MRPL45: variants seen among roughly 807,000 people sequenced by gnomAD.
The protein encoded by MRPL45 is mitochondrial ribosomal protein L45, also known as large ribosomal subunit protein mL45.
A neutral mutation model predicts 38.1 loss-of-function variants in MRPL45; 20 were observed. The observed-to-expected ratio is 0.53, with a 90% CI of 0.37 to 0.76. The LOEUF is 0.76. Ranked by LOEUF, MRPL45 falls within the 30% of genes least tolerant of loss-of-function variation. The pLI is 0.00. For synonymous variants in MRPL45, 105 were observed against 128.8 expected (o/e 0.82, Z 1.25); for missense variants, 337 against 395.6 (o/e 0.85, Z 1.26).
chr17:38,316,719 G>A (rs1220685490), intron 4 of MRPL45, among the ~76,000 whole-genome samples: 3 of 142,382 alleles, frequency 2.1e-5, no homozygotes, highest in Non-Finnish European at 4.5e-5. Context: ...GCCCAGGCTG[G>A]AGGGCAGTGG....
At chr17:38,303,512 TC>T (rs2037020590) in intron 3 of MRPL45, among the ~76,000 whole-genome samples, 3 of 151,872 alleles carry the variant, frequency 2.0e-5, no homozygotes, top group African/African-American at 4.8e-5. Context: ...GCCAGGCTGG[TC>T]TCGAACTCCT....
intron 4 of MRPL45, among the ~76,000 whole-genome samples, 170 bp from the exon 5 acceptor site, chr17:38,318,517 T>C (rs1046002029): frequency 6.6e-5 from 10 of 151,576 alleles, no homozygotes; most frequent in Non-Finnish European, 1.3e-4. Flanking sequence ...ATCACATTAT[T>C]GTTCGTGTTT....
In MRPL45 at chr17:38,313,903, T is replaced by C. The variant is rs557106020; in HGVS notation, c.462-4784T>C. Among the ~76,000 whole-genome samples, 171 of 152,162 alleles carry C rather than the reference T, an allele frequency of 1.1e-3. 1 individual carries two copies. In the Middle Eastern group the frequency reaches 0.017, roughly 15 times the overall value. Reference sequence around the variant, plus strand: ...GTCTCGAACTCCTGACCTCAGATGATCCACCCACCTCAGCCTTCCAAAGTG... The same window carrying C: ...GTCTCGAACTCCTGACCTCAGATGACCCACCCACCTCAGCCTTCCAAAGTG... On this transcript the variant is annotated intron_variant, in intron 4 of 7. Transcript: ENST00000613675.
chr17:38,298,577 G>A lies in MRPL45; in HGVS notation c.195G>A (p.Leu65=). Residue 65 remains leucine, a synonymous_variant, in exon 2 of 8, where the codon TTG becomes TTA. Coordinates refer to ENST00000613675, the MANE Select transcript of MRPL45 (RefSeq NM_032351.6). The stretch of plus-strand genomic sequence containing the variant: ...TGCAACATGCCCGGAAAGCAGGATT[G>A]GTTATTCCTCCAGAAAAATCGGACC... The part of the protein sequence containing the change: ...EFMQHARKAG[L]VIPPEKSDRS... The A allele has an allele frequency of 6.2e-7, 1 of 1,613,400 alleles. No homozygotes were observed. The highest frequency in any genetic ancestry group is 1.1e-5 in the South Asian group (1 of 91,042).
chr17:38,322,524 G>A lies in MRPL45; in HGVS notation c.850G>A (p.Gly284Ser), dbSNP rs200400481. 3.0e-5 allele frequency: 49 copies of A among 1,613,408 alleles called. No individual in the cohort carries two copies. In the African/African-American group the frequency reaches 5.7e-4, roughly 19 times the overall value. ...QPILKTVMIP[G>S]PQLKPEEEYE... Reference sequence around the variant, plus strand: ...ACTCTTTCAGACGGTGATGATCCCTGGCCCTCAGCTGAAACCAGAAGAAGA... The same window carrying A: ...ACTCTTTCAGACGGTGATGATCCCTAGCCCTCAGCTGAAACCAGAAGAAGA... Residue 284 changes from glycine (G) to serine (S), a missense_variant, in exon 8 of 8, where the codon GGC (glycine) becomes AGC (serine). Physicochemically the swap from Gly to Ser is moderately conservative, Grantham distance 56. Coordinates refer to ENST00000613675, the MANE Select transcript of MRPL45 (RefSeq NM_032351.6).
intron 3 of MRPL45, among the ~76,000 whole-genome samples, chr17:38,304,553 T>C (rs2037031296): frequency 6.6e-6 from 1 of 151,784 alleles, no homozygotes; most frequent in Non-Finnish European, 1.5e-5. Context: ...TTTATTTTAT[T>C]TTTTTTTTGA....
intron 4 of MRPL45, among the ~76,000 whole-genome samples, chr17:38,309,344 G>A (rs937462865): frequency 6.6e-6 from 1 of 150,742 alleles, no homozygotes; most frequent in Non-Finnish European, 1.5e-5. Context: ...GTGAAACCCT[G>A]TCTCTACTAA....
At chr17:38,316,427 C>T (rs776321279) in intron 4 of MRPL45, among the ~76,000 whole-genome samples, 7 of 151,974 alleles carry the variant, frequency 4.6e-5, no homozygotes, top group Non-Finnish European at 1.0e-4. Flanking sequence ...CCATGGTTTC[C>T]TTTAGCTCAT....
intron 4 of MRPL45, among the ~76,000 whole-genome samples, chr17:38,308,967 C>T (rs1337636015): frequency 6.6e-6 from 1 of 151,058 alleles, no homozygotes. Flanking sequence ...AGTGCAGTAG[C>T]GCAATCTCGA....
intron 6 of MRPL45, among the ~76,000 whole-genome samples, chr17:38,321,374 C>T (rs1170056241): frequency 1.3e-5 from 2 of 152,258 alleles, no homozygotes; most frequent in African/African-American, 2.4e-5. Flanking sequence ...TTCAGAATTC[C>T]GAGATAACTT....
chr17:38,318,771 T>A, intron 5 of MRPL45, 36 bp downstream of exon 5: 1 of 1,453,906 alleles, frequency 6.9e-7, no homozygotes, highest in Non-Finnish European at 9.6e-7. Flanking sequence ...GTGGGGTGAC[T>A]GAGTGGGCAG....
At chr17:38,307,341 T>C (rs1178309431) in intron 4 of MRPL45, among the ~76,000 whole-genome samples, 2 of 150,590 alleles carry the variant, frequency 1.3e-5, no homozygotes, top group Non-Finnish European at 3.0e-5. Context: ...CGGCCCCCTT[T>C]TTTTTTTTGA....
chr17:38,305,606 C>T (rs932379112), intron 3 of MRPL45, among the ~76,000 whole-genome samples: 3 of 149,762 alleles, frequency 2.0e-5, no homozygotes, highest in Admixed American at 1.3e-4. Flanking sequence ...CTGCCTCAGC[C>T]TCCCAAGTAG....
At chr17:38,321,853 C>T (rs112601056) in intron 6 of MRPL45, among the ~76,000 whole-genome samples, 4 of 151,604 alleles carry the variant, frequency 2.6e-5, no homozygotes, top group Non-Finnish European at 5.9e-5. Context: ...CATGGTGACA[C>T]CCCATCTCTA....
intron 6 of MRPL45, 46 bp downstream of exon 6, chr17:38,320,813 G>A (rs764437477): frequency 6.2e-7 from 1 of 1,604,152 alleles, no homozygotes; most frequent in Non-Finnish European, 8.5e-7. Flanking sequence ...TTCACTCTGA[G>A]CTTGGGCACC....
At chr17:38,304,158 A>T (rs1391308853) in intron 3 of MRPL45, among the ~76,000 whole-genome samples, 1 of 152,060 alleles carries the variant, frequency 6.6e-6, no homozygotes, top group Non-Finnish European at 1.5e-5. Context: ...GATAGAAATA[A>T]TTTTTTCCTC....
Position 38,319,929 on chromosome 17 carries a change from C to T in MRPL45, c.511-689C>T, listed in dbSNP as rs368729679. On this transcript the variant is annotated intron_variant, in intron 5 of 7. Transcript: ENST00000613675. ...CATCCTGGCTAACATGGTGAAACCC[C>T]GTCTCTACTGAAAATACAGAAAAAT... 1.5e-3 allele frequency among the ~76,000 whole-genome samples: 228 copies of T among 152,176 alleles called. 1 individual carries two copies. The highest frequency in any genetic ancestry group is 5.3e-3 in the African/African-American group (220 of 41,524).
At chr17:38,322,421 T>C in intron 7 of MRPL45, 88 bp from the exon 8 acceptor site, 1 of 820,972 alleles carries the variant, frequency 1.2e-6, no homozygotes, top group Non-Finnish European at 1.7e-6. Flanking sequence ...GAAGGCCGGG[T>C]GGGTGGGTGG....
At chr17:38,303,957 C>T (rs1459009552) in intron 3 of MRPL45, among the ~76,000 whole-genome samples, 12 of 152,118 alleles carry the variant, frequency 7.9e-5, no homozygotes, top group Middle Eastern at 3.2e-3. Context: ...CTCCCTCTTA[C>T]GTTGTATTCC....
Sources: gnomAD v4.1 joint callset for allele counts (sites outside exome capture counted in the v4.1 genomes callset) on GRCh38, gnomAD v4.1.1 for gene constraint, MANE v1.5 for transcripts, NCBI Gene and HGNC (gene_info 2026-07-23, HGNC 2026-07-21) for gene names.